The following PCDHGA7 variants were observed in gnomAD, a reference collection of about 807,000 sequenced individuals.
PCDHGA7 encodes protocadherin gamma subfamily A, 7.
In PCDHGA7, 44 loss-of-function variants were observed where a neutral mutation model predicts 58.3. The ratio of observed to expected loss-of-function variants is 0.75; its 90% CI spans 0.59 to 0.97. The LOEUF (loss-of-function observed/expected upper bound fraction) is 0.97. PCDHGA7 is among the 50% of genes least tolerant of loss of function. The pLI is 0.00. For missense variants in PCDHGA7, 1,266 were observed against 1,188.7 expected, an observed-to-expected ratio of 1.06 and a Z score of -0.96; for synonymous variants, 516 against 504.2, an observed-to-expected ratio of 1.02 and a Z score of -0.31.
chr5:141,486,489 G>T lies in PCDHGA7; in HGVS notation c.2425-8318G>T. 2 of 1,614,060 alleles carry T rather than the reference G, an allele frequency of 1.2e-6. No homozygotes were observed. The highest frequency in any genetic ancestry group is 1.7e-6 in the Non-Finnish European group (2 of 1,179,892). ...GGGAACCCTCCTCTCAGTACCCACA[G>T]AACTATTTTCCTCAATATTTCAGAT... On this transcript the variant is annotated intron_variant, in intron 1 of 3. Coordinates refer to ENST00000518325, the MANE Select transcript of PCDHGA7 (RefSeq NM_018920.4). The surrounding 1 kb of genome is among the most constrained non-coding windows in gnomAD (Gnocchi z 5.0).
chr5:141,486,169 A>T lies in PCDHGA7; in HGVS notation c.2425-8638A>T. On this transcript the variant is annotated intron_variant, in intron 1 of 3. Transcript: ENST00000518325. The surrounding 1 kb of genome is among the most constrained non-coding windows in gnomAD (Gnocchi z 5.0). ...ATGGGGGTTCTCCAGCCATGGAGCA[A>T]CATTGCAGCCTTCGAGTGGATCTGC... 1 of 1,614,206 alleles carries T rather than the reference A, an allele frequency of 6.2e-7. No homozygotes were observed. Among genetic ancestry groups the T allele is most frequent in the Non-Finnish European group, 8.5e-7 (1 of 1,180,032 alleles).
intron 1 of PCDHGA7, among the ~76,000 whole-genome samples, chr5:141,434,221 G>T (rs760622311): frequency 6.6e-6 from 1 of 152,206 alleles, no homozygotes; most frequent in Admixed American, 6.5e-5. Flanking sequence ...TGTAAACAAA[G>T]TACGATTTCT....
chr5:141,409,055 G>T (rs141881204), intron 1 of PCDHGA7: 10 of 1,614,038 alleles, frequency 6.2e-6, no homozygotes, highest in Non-Finnish European at 8.5e-6. Flanking sequence ...CCGAAGCACT[G>T]CCCAGAGCAC....
chr5:141,393,630 A>T (rs1298038670), intron 1 of PCDHGA7: 7 of 1,613,976 alleles, frequency 4.3e-6, no homozygotes, highest in Non-Finnish European at 5.9e-6. Flanking sequence ...GGATGAGGGA[A>T]TCAACGGAAA....
chr5:141,399,465 G>T, intron 1 of PCDHGA7: 1 of 1,614,014 alleles, frequency 6.2e-7, no homozygotes, highest in Non-Finnish European at 8.5e-7. Context: ...ATAACGCTCC[G>T]GTTTTCCACC....
At chr5:141,421,363 G>T (rs749916401) in intron 1 of PCDHGA7, 2 of 1,613,898 alleles carry the variant, frequency 1.2e-6, no homozygotes, top group South Asian at 2.2e-5. Flanking sequence ...GGGCTCCTTC[G>T]TGGGCAATAT....
At position 141,384,635 on chromosome 5, in the gene PCDHGA7, C is replaced by G. The variant is rs752480661; in HGVS notation, c.1736C>G (p.Pro579Arg). Residue 579 changes from proline (P) to arginine (R), a missense_variant, in exon 1 of 4, where the codon CCC becomes CGC. By Grantham distance (103) the Pro-to-Arg change is moderately radical (BLOSUM62 -2). Coordinates refer to ENST00000518325, the MANE Select transcript of PCDHGA7 (RefSeq NM_018920.4). Reference protein sequence around the residue: ...TDGSTGMELAPRSAEPGYLVT... With the variant: ...TDGSTGMELARRSAEPGYLVT... The stretch of plus-strand genomic sequence containing the variant: ...GGTTCTACTGGCATGGAGCTGGCAC[C>G]CCGCTCCGCAGAGCCCGGCTACCTG... The G allele has an allele frequency of 1.9e-6, 3 of 1,614,214 alleles. No individual in the cohort carries two copies. The East Asian group carries it at 6.7e-5, about 36-fold the overall frequency.
In PCDHGA7 at chr5:141,405,631, C is replaced by T. The variant is rs150331884; in HGVS notation, c.2424+20308C>T. The T allele has an allele frequency of 4.9e-3, 2,596 of 530,826 alleles. 48 individuals carry two copies. The highest frequency in any genetic ancestry group is 0.045 in the African/African-American group (2,348 of 52,012). The allele number at this position is 530,826 out of a possible 1,614,324, so 32.9% of individuals were successfully genotyped here. ...CTGGGACTACAGGCACGTGCCACCA[C>T]GCCCGGCTAATTTTTTGTGTGTTTT... is the stretch of plus-strand genomic sequence containing the variant. On this transcript the variant is annotated intron_variant, in intron 1 of 3. Transcript: ENST00000518325.
chr5:141,457,428 C>G (rs72790053), intron 1 of PCDHGA7, among the ~76,000 whole-genome samples: 1,866 of 152,262 alleles, frequency 0.012, 18 homozygotes, highest in Non-Finnish European at 0.017. Context: ...TTTTTCCCCC[C>G]CACCAAGCTG....
At chr5:141,405,442 CAG>C in intron 1 of PCDHGA7, 1 of 1,378,150 alleles carries the variant, frequency 7.3e-7, no homozygotes, top group South Asian at 1.3e-5. Context: ...GTTTTTGAGA[CAG>C]AGTCTTACTC....
intron 1 of PCDHGA7, among the ~76,000 whole-genome samples, chr5:141,447,303 C>G (rs1328783075): frequency 6.6e-6 from 1 of 151,990 alleles, no homozygotes; most frequent in Non-Finnish European, 1.5e-5. Context: ...CCACACCCGG[C>G]TAATTTTTGT....
At position 141,403,043 on chromosome 5, in the gene PCDHGA7, A is replaced by C. The variant is rs779412498; in HGVS notation, c.2424+17720A>C. On this transcript the variant is annotated intron_variant, in intron 1 of 3. Coordinates refer to ENST00000518325, the MANE Select transcript of PCDHGA7 (RefSeq NM_018920.4). ...GCTATGGGAGGCCAGGGCCAGTCAG[A>C]TTCGCTACTCAGTGCCTGAAGAGAC... 21 of 1,614,070 alleles carry C rather than the reference A, an allele frequency of 1.3e-5. No homozygotes were observed. In the South Asian group the frequency reaches 2.3e-4, roughly 18 times the overall value.
chr5:141,398,584 A>T lies in PCDHGA7; in HGVS notation c.2424+13261A>T, dbSNP rs201021035. On this transcript the variant is annotated intron_variant, in intron 1 of 3. Transcript: ENST00000518325. Reference sequence around the variant, plus strand: ...GTCTGCACAGCCTGGCACAAGATTTATACTAGAAGTAGCAGAAGATGCAGA... The same window carrying T: ...GTCTGCACAGCCTGGCACAAGATTTTTACTAGAAGTAGCAGAAGATGCAGA... 1.9e-6 allele frequency: 3 copies of T among 1,614,066 alleles called. No homozygotes were observed. In the South Asian group the frequency reaches 3.3e-5, roughly 18 times the overall value.
chr5:141,467,907 C>A (rs1166486426), intron 1 of PCDHGA7, among the ~76,000 whole-genome samples: 1 of 152,156 alleles, frequency 6.6e-6, no homozygotes, highest in Non-Finnish European at 1.5e-5. Flanking sequence ...AATCCGCCCA[C>A]CTCAGCCTCC....
intron 1 of PCDHGA7, chr5:141,419,888 G>A: frequency 6.2e-7 from 1 of 1,614,056 alleles, no homozygotes; most frequent in Non-Finnish European, 8.5e-7. Context: ...GGATTTCAGC[G>A]ACCATCCCAC....
At chr5:141,443,615 C>T (rs1430581477) in intron 1 of PCDHGA7, among the ~76,000 whole-genome samples, 3 of 152,198 alleles carry the variant, frequency 2.0e-5, no homozygotes, top group Non-Finnish European at 4.4e-5. Flanking sequence ...TTCTTATAAT[C>T]AGGTGATTGT....
chr5:141,414,576 G>A, intron 1 of PCDHGA7: 1 of 1,613,898 alleles, frequency 6.2e-7, no homozygotes, highest in Non-Finnish European at 8.5e-7. Context: ...ATATCCCAGA[G>A]AACAACGCCA....
intron 2 of PCDHGA7, among the ~76,000 whole-genome samples, chr5:141,498,956 A>G (rs547381859): frequency 2.4e-5 from 3 of 124,058 alleles, no homozygotes; most frequent in African/African-American, 6.3e-5. Context: ...AAAAAGAGAG[A>G]GAGGGAGGGA....
In PCDHGA7 at chr5:141,490,692, G is replaced by C. The variant is rs751109998; in HGVS notation, c.2425-4115G>C. 16 of 1,614,154 alleles carry C rather than the reference G, an allele frequency of 9.9e-6. 1 individual carries two copies. The Middle Eastern group carries it at 6.6e-4, about 67-fold the overall frequency. ...TGGCTGCCTCAGATCCAGACACTGG[G>C]GATAATGCCCGCCTCACCTACTCCA... On this transcript the variant is annotated intron_variant, in intron 1 of 3. Transcript: ENST00000518325. This position sits in a 1 kb window ranked among gnomAD's most constrained non-coding sequence, Gnocchi z 5.4.
Sources: gnomAD v4.1 joint callset for allele counts (sites outside exome capture counted in the v4.1 genomes callset) on GRCh38, gnomAD v4.1.1 for gene constraint, Gnocchi (gnomAD v3.1) non-coding constraint, MANE v1.5 for transcripts, NCBI Gene and HGNC (gene_info 2026-07-23, HGNC 2026-07-21) for gene names.